KCNK9: variants seen among roughly 807,000 people sequenced by gnomAD.
KCNK9 encodes the protein potassium two pore domain channel subfamily K member 9.
A neutral mutation model predicts 10.8 loss-of-function variants in KCNK9; 1 was observed. The ratio of observed to expected loss-of-function variants is 0.09; its 90% confidence interval spans 0.03 to 0.44. KCNK9 has a LOEUF of 0.44. Ranked by LOEUF, KCNK9 falls within the 20% of genes least tolerant of loss-of-function variation. The probability of loss-of-function intolerance (pLI) is 0.97; values close to 1 mark genes in which losing one functional copy is unlikely to be tolerated. For synonymous variants in KCNK9, 231 were observed against 222.7 expected (o/e 1.04, Z -0.33); for missense variants, 303 against 515.0 (o/e 0.59, Z 3.98).
At chr8:139,641,098 G>A (rs2129644999) in intron 1 of KCNK9, among the ~76,000 whole-genome samples, 1 of 152,358 alleles carries the variant, frequency 6.6e-6, no homozygotes, top group Non-Finnish European at 1.5e-5. Context: ...AGGTGAGGCA[G>A]GTTCACTATC....
At chr8:139,635,369 G>A (rs971663358) in intron 1 of KCNK9, among the ~76,000 whole-genome samples, 2 of 152,234 alleles carry the variant, frequency 1.3e-5, no homozygotes, top group African/African-American at 4.8e-5. Context: ...TGTCCCCTGA[G>A]GAGAGCCTAG....
chr8:139,673,591 G>A (rs1445192784), intron 1 of KCNK9, among the ~76,000 whole-genome samples: 1 of 152,224 alleles, frequency 6.6e-6, no homozygotes, highest in Non-Finnish European at 1.5e-5. Flanking sequence ...AGGGTTAGGA[G>A]AGCTTCAAGG....
chr8:139,647,850 T>C (rs1563733827), intron 1 of KCNK9, among the ~76,000 whole-genome samples: 1 of 152,216 alleles, frequency 6.6e-6, no homozygotes, highest in East Asian at 1.9e-4. Context: ...GGACTGAAAA[T>C]GGCGCAGCTG....
At chr8:139,671,857 G>A (rs778157647) in intron 1 of KCNK9, among the ~76,000 whole-genome samples, 9 of 152,130 alleles carry the variant, frequency 5.9e-5, no homozygotes, top group East Asian at 1.9e-4. Context: ...CACCGCACCC[G>A]GCCAATTCTT....
At chr8:139,607,652 G>C (rs927230539), downstream of KCNK9, among the ~76,000 whole-genome samples, 2 of 152,160 alleles carry the variant, frequency 1.3e-5, no homozygotes, top group African/African-American at 4.8e-5. Context: ...TGTAGGGGCC[G>C]AGTCTCCAGT....
chr8:139,659,931 T>C (rs952938998), intron 1 of KCNK9, among the ~76,000 whole-genome samples: 9 of 152,052 alleles, frequency 5.9e-5, no homozygotes, highest in African/African-American at 2.2e-4. Flanking sequence ...AGAAACAATA[T>C]ATTGATTTTT....
intron 1 of KCNK9, among the ~76,000 whole-genome samples, chr8:139,695,391 T>C (rs371733921): frequency 2.0e-5 from 3 of 152,192 alleles, no homozygotes; most frequent in South Asian, 2.1e-4. Flanking sequence ...AAGGGCATTA[T>C]TGGGAGAAAC....
chr8:139,663,561 T>C (rs1355745707), intron 1 of KCNK9, among the ~76,000 whole-genome samples: 1 of 151,848 alleles, frequency 6.6e-6, no homozygotes, highest in Non-Finnish European at 1.5e-5. Flanking sequence ...GTCCAGCTAC[T>C]CTGAAGCCAC....
chr8:139,601,406 T>G (rs1817366982), exon 3 of KCNK9: 1 of 152,208 alleles, frequency 6.6e-6, no homozygotes, highest in African/African-American at 2.4e-5. Context: ...GAGGCTTGAC[T>G]GGTTCCTTAC....
intron 1 of KCNK9, among the ~76,000 whole-genome samples, chr8:139,647,512 GACGTGC>G (rs1373894595): frequency 1.3e-5 from 2 of 152,202 alleles, no homozygotes; most frequent in Non-Finnish European, 2.9e-5. Context: ...CAGATGGCTA[GACGTGC>G]ACGCGGCATG....
intron 1 of KCNK9, among the ~76,000 whole-genome samples, chr8:139,626,833 G>T (rs1814993532): frequency 6.6e-6 from 1 of 152,252 alleles, no homozygotes; most frequent in South Asian, 2.1e-4. Flanking sequence ...ATTAAAGAAT[G>T]ACTCAGGGTG....
At chr8:139,602,207 C>T (rs1371589806) in intron 2 of KCNK9, 1 of 152,240 alleles carries the variant, frequency 6.6e-6, no homozygotes, top group Non-Finnish European at 1.5e-5. Context: ...GAAGTGCAAC[C>T]CTGATAGGCC....
At chr8:139,650,963 C>A (rs950954517) in intron 1 of KCNK9, among the ~76,000 whole-genome samples, 4 of 152,150 alleles carry the variant, frequency 2.6e-5, no homozygotes, top group Non-Finnish European at 4.4e-5. Context: ...AGAATATTTG[C>A]TCCTATAAAT....
intron 1 of KCNK9, among the ~76,000 whole-genome samples, chr8:139,619,448 G>A (rs561142650): frequency 2.4e-4 from 36 of 152,246 alleles, no homozygotes; most frequent in Non-Finnish European, 3.7e-4. Flanking sequence ...TGCCATCTTA[G>A]AGCCACATAA....
At chr8:139,691,794 C>T (rs1037274330) in intron 1 of KCNK9, among the ~76,000 whole-genome samples, 10 of 152,110 alleles carry the variant, frequency 6.6e-5, no homozygotes, top group Non-Finnish European at 8.8e-5. Context: ...CCACAGACCC[C>T]GTGGGCACCT....
At chr8:139,604,886 G>C (rs559534293) in intron 2 of KCNK9, among the ~76,000 whole-genome samples, 1 of 152,240 alleles carries the variant, frequency 6.6e-6, no homozygotes, top group South Asian at 2.1e-4. Context: ...AACATGACCT[G>C]TGGCCATGGT....
intron 1 of KCNK9, among the ~76,000 whole-genome samples, chr8:139,701,927 G>A (rs1255344466): frequency 1.3e-5 from 2 of 152,176 alleles, no homozygotes; most frequent in Admixed American, 6.5e-5. Flanking sequence ...ACCCCCTCTC[G>A]TGACTGGGGC....
intron 1 of KCNK9, among the ~76,000 whole-genome samples, chr8:139,682,086 C>T (rs1274912884): frequency 1.3e-5 from 2 of 152,198 alleles, no homozygotes; most frequent in African/African-American, 2.4e-5. Flanking sequence ...AGGGAGAAGC[C>T]CGGCTCCGAA....
At chr8:139,636,347 C>G (rs1563727719) in intron 1 of KCNK9, among the ~76,000 whole-genome samples, 1 of 152,232 alleles carries the variant, frequency 6.6e-6, no homozygotes, top group African/African-American at 2.4e-5. Context: ...TGTTCTCACG[C>G]TGGTGTGTTG....
Sources: gnomAD v4.1 joint callset for allele counts (sites outside exome capture counted in the v4.1 genomes callset) on GRCh38, gnomAD v4.1.1 for gene constraint, MANE v1.5 for transcripts, NCBI Gene and HGNC (gene_info 2026-07-23, HGNC 2026-07-21) for gene names.